Variants in SLC24A2 observed in about 807,000 individuals in gnomAD.
The protein encoded by SLC24A2 is sodium/potassium/calcium exchanger 2.
SLC24A2 carries 36 observed loss-of-function variants against 62.0 expected under a neutral mutation model. The ratio of observed to expected loss-of-function variants is 0.58; its 90% CI spans 0.44 to 0.77. The LOEUF (loss-of-function observed/expected upper bound fraction) is 0.77. Among genes scored for constraint, SLC24A2 ranks in the 30% least tolerant of loss-of-function variants. The probability of loss-of-function intolerance (pLI) is 0.00; values close to 1 mark genes in which losing one functional copy is unlikely to be tolerated. For synonymous variants in SLC24A2, 358 were observed against 294.0 expected, an observed-to-expected ratio of 1.22 and a Z score of -2.23; for missense variants, 846 against 817.9, an observed-to-expected ratio of 1.03 and a Z score of -0.42.
chr9:19,550,301 C>G, intron 7 of SLC24A2, 33 bp from the exon 8 acceptor site: 1 of 1,609,704 alleles, frequency 6.2e-7, no homozygotes, highest in East Asian at 2.2e-5. Flanking sequence ...ATTAAACAAA[C>G]AAAAAAATAA....
At chr9:20,233,614 G>A in the SLC24A2 span, among the ~76,000 whole-genome samples, 1 of 152,144 alleles carries the variant, frequency 6.6e-6, no homozygotes, top group Non-Finnish European at 1.5e-5. Flanking sequence ...TTGAGCCTAT[G>A]TGTGTCTCTG....
the SLC24A2 span, among the ~76,000 whole-genome samples, chr9:20,197,962 G>A: frequency 8.1e-4 from 124 of 152,294 alleles, no homozygotes; most frequent in African/African-American, 1.6e-3. Context: ...GCACAAAGAC[G>A]AGAGGGCTAT....
At chr9:19,720,841 G>C (rs1259460503) in intron 2 of SLC24A2, among the ~76,000 whole-genome samples, 1 of 76,688 alleles carries the variant, frequency 1.3e-5, no homozygotes, top group Non-Finnish European at 3.0e-5. Flanking sequence ...GGAATGATGT[G>C]TGTGTGTGTG....
At position 19,768,447 on chromosome 9, in the gene SLC24A2, C is replaced by A. The variant is rs1232174978; in HGVS notation, c.930+17490G>T. 2.0e-5 allele frequency among the ~76,000 whole-genome samples: 3 copies of A among 152,090 alleles called. No homozygotes were observed. In the South Asian group the frequency reaches 6.2e-4, roughly 32 times the overall value. ...CTTTTCTTTGATATAGTAGCCTCCC[C>A]TTATCAGAGGAGGATATGTCCCAAG... On this transcript the variant is annotated intron_variant, in intron 2 of 10. Transcript: ENST00000341998.
the SLC24A2 span, among the ~76,000 whole-genome samples, chr9:19,835,927 C>T: frequency 6.6e-6 from 1 of 152,160 alleles, no homozygotes; most frequent in African/African-American, 2.4e-5. Flanking sequence ...GAAACTCATT[C>T]AAAAACACTC....
chr9:19,772,586 G>A (rs1334513708), intron 2 of SLC24A2, among the ~76,000 whole-genome samples: 1 of 152,132 alleles, frequency 6.6e-6, no homozygotes, highest in Non-Finnish European at 1.5e-5. Context: ...CTCCAAAGAA[G>A]CTATACAAAT....
chr9:20,122,723 C>T, the SLC24A2 span, among the ~76,000 whole-genome samples: 1 of 152,048 alleles, frequency 6.6e-6, no homozygotes, highest in Non-Finnish European at 1.5e-5. Context: ...AAAAACTCTA[C>T]TTCTTAATTT....
At chr9:20,141,576 T>C in the SLC24A2 span, among the ~76,000 whole-genome samples, 1 of 151,878 alleles carries the variant, frequency 6.6e-6, no homozygotes, top group Non-Finnish European at 1.5e-5. Flanking sequence ...GCTGATATTC[T>C]GATCATTCTA....
chr9:20,132,970 A>G, the SLC24A2 span, among the ~76,000 whole-genome samples: 16 of 152,138 alleles, frequency 1.1e-4, no homozygotes, highest in Non-Finnish European at 1.5e-4. Context: ...TGATTTGTCA[A>G]TGTGGCTAGG....
At chr9:19,888,994 C>T in the SLC24A2 span, among the ~76,000 whole-genome samples, 1 of 152,174 alleles carries the variant, frequency 6.6e-6, no homozygotes, top group Admixed American at 6.5e-5. Context: ...GCCACACACA[C>T]CCCTGGCTCA....
intron 2 of SLC24A2, among the ~76,000 whole-genome samples, chr9:19,750,388 A>G (rs973085762): frequency 1.3e-5 from 2 of 151,708 alleles, no homozygotes; most frequent in African/African-American, 4.8e-5. Flanking sequence ...ATAATTCCCA[A>G]CTCAACTACA....
chr9:20,250,214 G>C, the SLC24A2 span, among the ~76,000 whole-genome samples: 3 of 152,326 alleles, frequency 2.0e-5, 1 homozygote, highest in East Asian at 5.8e-4. Context: ...CTTGAGACTA[G>C]AATAATAAAT....
At chr9:20,124,773 G>A in the SLC24A2 span, among the ~76,000 whole-genome samples, 283 of 152,228 alleles carry the variant, frequency 1.9e-3, no homozygotes, top group African/African-American at 4.3e-3. Context: ...AACTAATCTG[G>A]CAACACATCT....
At chr9:20,095,984 C>T in the SLC24A2 span, among the ~76,000 whole-genome samples, 2 of 152,164 alleles carry the variant, frequency 1.3e-5, no homozygotes, top group Non-Finnish European at 2.9e-5. Context: ...TTATTTCCCA[C>T]TGGGTCCCTT....
chr9:19,764,753 G>A (rs564500478), intron 2 of SLC24A2, among the ~76,000 whole-genome samples: 1 of 152,290 alleles, frequency 6.6e-6, no homozygotes, highest in East Asian at 1.9e-4. Flanking sequence ...GCTATGTGGT[G>A]CAGAGAAGAA....
At chr9:19,794,791 T>C in the SLC24A2 span, among the ~76,000 whole-genome samples, 1 of 151,644 alleles carries the variant, frequency 6.6e-6, no homozygotes, top group Non-Finnish European at 1.5e-5. Flanking sequence ...ATAATACTGG[T>C]AAAGGAGGCA....
At chr9:20,266,657 A>G in the SLC24A2 span, among the ~76,000 whole-genome samples, 12 of 152,302 alleles carry the variant, frequency 7.9e-5, no homozygotes, top group South Asian at 4.1e-4. Flanking sequence ...TATCAGACCT[A>G]CATTTCACAA....
At chr9:19,654,949 C>G (rs1302214300) in intron 2 of SLC24A2, among the ~76,000 whole-genome samples, 8 of 152,244 alleles carry the variant, frequency 5.3e-5, no homozygotes, top group African/African-American at 1.7e-4. Flanking sequence ...TTTCTCAGGT[C>G]CAAGCTCAAA....
chr9:20,084,292 A>C, the SLC24A2 span, among the ~76,000 whole-genome samples: 1 of 152,210 alleles, frequency 6.6e-6, no homozygotes, highest in Non-Finnish European at 1.5e-5. Context: ...GGTGTGCTAG[A>C]GTTAGTTGAT....
Sources: allele counts gnomAD v4.1 joint callset (sites outside exome capture counted in the v4.1 genomes callset), GRCh38; gene constraint gnomAD v4.1.1; transcripts MANE v1.5; gene names NCBI Gene and HGNC (gene_info 2026-07-23, HGNC 2026-07-21).